Variants in SNX14 observed in about 807,000 individuals in gnomAD.
SNX14 encodes the protein sorting nexin 14, also known as sorting nexin-14.
SNX14 carries 93 observed loss-of-function variants against 133.8 expected under a neutral mutation model. The ratio of observed to expected loss-of-function variants is 0.70; its 90% CI spans 0.59 to 0.83. The LOEUF is 0.83. Ranked by LOEUF, SNX14 falls within the 40% of genes least tolerant of loss-of-function variation. The pLI is 0.00. For synonymous variants in SNX14, 368 were observed against 365.6 expected (o/e 1.01, Z -0.07); for missense variants, 945 against 1,094.9 (o/e 0.86, Z 1.93).
At chr6:85,521,382 A>G (rs1776790837) in intron 21 of SNX14, among the ~76,000 whole-genome samples, 2 of 152,110 alleles carry the variant, frequency 1.3e-5, no homozygotes, top group Middle Eastern at 3.4e-3. Context: ...TTACACATGC[A>G]CACCACCATA....
Position 85,547,145 on chromosome 6 carries a change from C to A in SNX14, c.1075G>T (p.Ala359Ser), listed in dbSNP as rs146849758. The A allele has an allele frequency of 4.2e-4, 676 of 1,613,976 alleles. 1 individual carries two copies. The African/African-American group carries it at 5.3e-3, about 13-fold the overall frequency. Residue 359 changes from alanine (A) to serine (S), a missense_variant, in exon 12 of 29, where the codon GCA becomes TCA. Physicochemically the swap from Ala to Ser is moderately conservative, Grantham distance 99. Transcript: ENST00000314673. ...RFMNFLKQEG[A>S]VHVLQFCLTV... is the part of the protein sequence containing the mutation. Reference sequence around the variant, plus strand: ...AAACAAAACTGCAACACGTGCACTGCGCCTTCTTGTTTCAGAAAGTTCATA... The same window carrying A: ...AAACAAAACTGCAACACGTGCACTGAGCCTTCTTGTTTCAGAAAGTTCATA...
At chr6:85,515,082 TG>T (rs1774353451) in intron 23 of SNX14, among the ~76,000 whole-genome samples, 1 of 151,976 alleles carries the variant, frequency 6.6e-6, no homozygotes, top group Admixed American at 6.6e-5. Flanking sequence ...TTGTCCAACA[TG>T]GTGAAACCCC....
chr6:85,561,674 G>A (rs1352396346), intron 6 of SNX14, among the ~76,000 whole-genome samples: 1 of 152,064 alleles, frequency 6.6e-6, no homozygotes, highest in Non-Finnish European at 1.5e-5. Context: ...ATCAGCATCA[G>A]CCCACCACCA....
intron 6 of SNX14, among the ~76,000 whole-genome samples, chr6:85,558,548 G>C (rs944073059): frequency 2.6e-5 from 4 of 152,156 alleles, no homozygotes; most frequent in Non-Finnish European, 5.9e-5. Context: ...TGCAGTCTCA[G>C]TCTCCCGGGC....
At chr6:85,515,439 T>C (rs967973292) in intron 23 of SNX14, among the ~76,000 whole-genome samples, 7 of 149,282 alleles carry the variant, frequency 4.7e-5, no homozygotes, top group Admixed American at 4.7e-4. Context: ...GAATTAATGG[T>C]TGCAGTGAGC....
intron 7 of SNX14, among the ~76,000 whole-genome samples, chr6:85,554,890 GC>G (rs1371254312): frequency 6.6e-6 from 1 of 151,936 alleles, no homozygotes; most frequent in Non-Finnish European, 1.5e-5. Flanking sequence ...GGTGATCATA[GC>G]TCACTGCAGT....
chr6:85,520,386 T>C (rs1217027174), intron 21 of SNX14, among the ~76,000 whole-genome samples: 1 of 141,746 alleles, frequency 7.1e-6, no homozygotes, highest in Non-Finnish European at 1.5e-5. Flanking sequence ...TAGATGGAGT[T>C]TTGCTCTGTT....
intron 21 of SNX14, among the ~76,000 whole-genome samples, chr6:85,524,507 G>C (rs1777959701): frequency 6.6e-6 from 1 of 152,056 alleles, no homozygotes; most frequent in African/African-American, 2.4e-5. Context: ...GGCCAGGCAT[G>C]GTGCTCACTC....
intron 28 of SNX14, among the ~76,000 whole-genome samples, 177 bp downstream of exon 28, chr6:85,507,056 C>T (rs1191713121): frequency 6.6e-6 from 1 of 152,058 alleles, no homozygotes; most frequent in Non-Finnish European, 1.5e-5. Flanking sequence ...AGCTGTCCCC[C>T]AGAATTGTTT....
chr6:85,514,028 G>C (rs1216808510), intron 25 of SNX14, 42 bp downstream of exon 25: 1 of 1,578,158 alleles, frequency 6.3e-7, no homozygotes, highest in East Asian at 2.2e-5. Context: ...TAAAATCATA[G>C]AGTACACAAA....
Position 85,519,146 on chromosome 6 carries a change from C to T in SNX14, c.2108-1098G>A, listed in dbSNP as rs534278925. Reference sequence around the variant, plus strand: ...CCAGGAATACCCAATCTCCTAAATGCCATATATAACCAAATATTTTGTCCT... The same window carrying T: ...CCAGGAATACCCAATCTCCTAAATGTCATATATAACCAAATATTTTGTCCT... On this transcript the variant is annotated intron_variant, in intron 21 of 28. Transcript: ENST00000314673. 3.9e-5 allele frequency among the ~76,000 whole-genome samples: 6 copies of T among 152,250 alleles called. 1 individual carries two copies. The highest frequency in any genetic ancestry group is 1.4e-4 in the African/African-American group (6 of 41,562).
intron 4 of SNX14, among the ~76,000 whole-genome samples, chr6:85,571,372 A>G (rs906068133): frequency 9.9e-5 from 15 of 152,022 alleles, no homozygotes; most frequent in Admixed American, 9.8e-4. Flanking sequence ...AAAAAAAAAA[A>G]AAAGGCCTTA....
chr6:85,560,945 A>G (rs1453327041), intron 6 of SNX14, among the ~76,000 whole-genome samples: 1 of 151,656 alleles, frequency 6.6e-6, no homozygotes, highest in African/African-American at 2.4e-5. Context: ...GAGGCAGGAG[A>G]ATCGCTTGAA....
intron 1 of SNX14, among the ~76,000 whole-genome samples, chr6:85,583,202 C>A (rs1467443695): frequency 1.3e-5 from 2 of 152,116 alleles, no homozygotes; most frequent in African/African-American, 2.4e-5. Context: ...CAATAAAATT[C>A]AACACCCCTT....
At chr6:85,543,430 G>A in intron 13 of SNX14, 124 bp from the exon 14 acceptor site, 2 of 1,083,484 alleles carry the variant, frequency 1.8e-6, no homozygotes, top group East Asian at 2.8e-5. Flanking sequence ...CCAAGCTCTA[G>A]TTCTGACAAA....
chr6:85,541,975 T>A lies in SNX14; in HGVS notation c.1448+10A>T. 1 of 1,588,120 alleles carries A rather than the reference T, an allele frequency of 6.3e-7. No homozygotes were observed. On this transcript the variant is annotated intron_variant, in intron 15 of 28. Transcript: ENST00000314673. ...CATCAGCAAGTTCAAAAACAAAACATACAACCTACCTGTTCAATTTTGAAT... is the reference window on the plus strand; with the variant it reads ...CATCAGCAAGTTCAAAAACAAAACAAACAACCTACCTGTTCAATTTTGAAT...
chr6:85,518,892 A>G (rs1775926567), intron 21 of SNX14, among the ~76,000 whole-genome samples: 1 of 152,320 alleles, frequency 6.6e-6, no homozygotes, highest in East Asian at 1.9e-4. Context: ...TTACTGAGCC[A>G]AATTATTTGC....
At chr6:85,574,051 GA>G (rs1562379448) in intron 2 of SNX14, among the ~76,000 whole-genome samples, 1 of 114,362 alleles carries the variant, frequency 8.7e-6, no homozygotes, top group Non-Finnish European at 2.1e-5. Context: ...AAATTGGATG[GA>G]TTTTTTTATA....
chr6:85,592,774 G>C (rs1303687743), intron 1 of SNX14, among the ~76,000 whole-genome samples: 1 of 151,204 alleles, frequency 6.6e-6, no homozygotes, highest in African/African-American at 2.4e-5. Flanking sequence ...CGGCTCACGA[G>C]GTCAGGAGAT....
Sources: gnomAD v4.1 joint callset for allele counts (sites outside exome capture counted in the v4.1 genomes callset) on GRCh38, gnomAD v4.1.1 for gene constraint, MANE v1.5 for transcripts, NCBI Gene and HGNC (gene_info 2026-07-23, HGNC 2026-07-21) for gene names.